The following NFIB variants were observed in gnomAD, a reference collection of about 807,000 sequenced individuals.
The protein encoded by NFIB is nuclear factor I B, also known as nuclear factor 1 B-type.
NFIB carries 11 observed loss-of-function variants against 61.5 expected under a neutral mutation model. That is an observed-to-expected ratio of 0.18 (90% CI 0.11 to 0.30). The LOEUF is 0.30. Among genes scored for constraint, NFIB ranks in the 10% least tolerant of loss-of-function variants. The pLI is 1.00. For synonymous variants in NFIB, 260 were observed against 216.5 expected (o/e 1.20, Z -1.76); for missense variants, 471 against 608.9 (o/e 0.77, Z 2.38).
At chr9:14,292,529 T>G (rs1048550269) in intron 2 of NFIB, among the ~76,000 whole-genome samples, 2 of 152,238 alleles carry the variant, frequency 1.3e-5, no homozygotes, top group Non-Finnish European at 2.9e-5. Context: ...TCTGCCAAGA[T>G]AACCAGAAAC....
chr9:14,512,609 C>G, the NFIB span, among the ~76,000 whole-genome samples: 1 of 152,004 alleles, frequency 6.6e-6, no homozygotes, highest in African/African-American at 2.4e-5. Context: ...CGTAATAAGT[C>G]CGCCAATTTA....
At chr9:14,448,880 A>G in the NFIB span, among the ~76,000 whole-genome samples, 1 of 152,208 alleles carries the variant, frequency 6.6e-6, no homozygotes, top group African/African-American at 2.4e-5. Flanking sequence ...ACACCTGCGT[A>G]AATCTTGCAT....
chr9:14,200,485 C>T (rs764006744), intron 2 of NFIB, among the ~76,000 whole-genome samples: 15 of 152,180 alleles, frequency 9.9e-5, no homozygotes, highest in African/African-American at 3.4e-4. Context: ...CTCTCAGGAT[C>T]GGTAAGTCTA....
chr9:14,163,821 A>T (rs1467291931), intron 3 of NFIB, among the ~76,000 whole-genome samples: 1 of 151,988 alleles, frequency 6.6e-6, no homozygotes, highest in Non-Finnish European at 1.5e-5. Flanking sequence ...AGGCAACTTT[A>T]ACAAATCCCT....
intron 2 of NFIB, among the ~76,000 whole-genome samples, chr9:14,262,287 C>G (rs1226547423): frequency 6.6e-6 from 1 of 152,190 alleles, no homozygotes; most frequent in Non-Finnish European, 1.5e-5. Flanking sequence ...TGCTGGATCC[C>G]TCCCAGAGAT....
At chr9:14,461,079 G>T in the NFIB span, among the ~76,000 whole-genome samples, 2 of 151,964 alleles carry the variant, frequency 1.3e-5, no homozygotes, top group East Asian at 1.9e-4. Context: ...GACCCCCAAG[G>T]CTGGATAAGC....
chr9:14,268,035 T>A (rs1246078621), intron 2 of NFIB, among the ~76,000 whole-genome samples: 1 of 150,990 alleles, frequency 6.6e-6, no homozygotes, highest in Non-Finnish European at 1.5e-5. Flanking sequence ...CTCAGGAGGC[T>A]GAGACATGAG....
the NFIB span, among the ~76,000 whole-genome samples, chr9:14,497,907 C>A: frequency 6.6e-6 from 1 of 152,160 alleles, no homozygotes; most frequent in Non-Finnish European, 1.5e-5. Flanking sequence ...AAGTAACATG[C>A]AGAGAAAAGT....
chr9:14,177,914 T>A (rs937287638), intron 3 of NFIB, among the ~76,000 whole-genome samples: 4 of 152,168 alleles, frequency 2.6e-5, no homozygotes, highest in Non-Finnish European at 5.9e-5. Flanking sequence ...TTGAATGATG[T>A]TACATAACTA....
At chr9:14,530,902 G>T in the NFIB span, among the ~76,000 whole-genome samples, 1 of 149,934 alleles carries the variant, frequency 6.7e-6, no homozygotes, top group Non-Finnish European at 1.5e-5. Flanking sequence ...GGGGCAAAAA[G>T]AAGAAAAAAA....
chr9:14,453,468 GC>G, the NFIB span, among the ~76,000 whole-genome samples: 1 of 152,188 alleles, frequency 6.6e-6, no homozygotes, highest in African/African-American at 2.4e-5. Context: ...GAATTAAGAT[GC>G]TTGAATGAAG....
At chr9:14,289,216 T>C (rs1250564391) in intron 2 of NFIB, among the ~76,000 whole-genome samples, 2 of 66,468 alleles carry the variant, frequency 3.0e-5, no homozygotes, top group Non-Finnish European at 7.2e-5. Flanking sequence ...TATAATTTGG[T>C]ATACCAAATA....
At chr9:14,155,935 A>G (rs774369988) in intron 3 of NFIB, 42 bp from the exon 4 acceptor site, 11 of 1,228,506 alleles carry the variant, frequency 9.0e-6, no homozygotes, top group Non-Finnish European at 1.3e-5. Flanking sequence ...ATATAAGCAG[A>G]AAGTAAAATA....
the NFIB span, among the ~76,000 whole-genome samples, chr9:14,503,102 ATATATGTGTG>A: frequency 1.5e-4 from 20 of 135,510 alleles, no homozygotes; most frequent in East Asian, 3.3e-3. Flanking sequence ...ATATATATAT[ATATATGTGTG>A]TATGTGTGTG....
chr9:14,371,318 A>G (rs1446236917), intron 1 of NFIB, among the ~76,000 whole-genome samples: 1 of 152,230 alleles, frequency 6.6e-6, no homozygotes, highest in Admixed American at 6.5e-5. Context: ...AAAGAACTGT[A>G]ATACTAAAAA....
intron 1 of NFIB, among the ~76,000 whole-genome samples, chr9:14,320,018 T>A (rs372140868): frequency 6.6e-6 from 1 of 152,238 alleles, no homozygotes; most frequent in Non-Finnish European, 1.5e-5. Flanking sequence ...AGTAATATTA[T>A]CAAATTGTGT....
intron 6 of NFIB, among the ~76,000 whole-genome samples, chr9:14,127,328 T>A (rs1276984353): frequency 6.6e-6 from 1 of 152,230 alleles, no homozygotes; most frequent in Non-Finnish European, 1.5e-5. Flanking sequence ...AATGATGAGC[T>A]ATAAAATTTG....
Position 14,182,490 on chromosome 9 carries a change from C to G in NFIB, c.563-2710G>C, listed in dbSNP as rs148042717. On this transcript the variant is annotated intron_variant, in intron 2 of 10. Coordinates refer to ENST00000380953, the MANE Select transcript of NFIB (RefSeq NM_001190737.2). ...CCTTATATCGGTCACTTAATTCCAA[C>G]TGCTGGAAAAGGAAGTAACCAGGGA... Among the ~76,000 whole-genome samples, 1,258 of 152,280 alleles carry G rather than the reference C, an allele frequency of 8.3e-3. 11 individuals are homozygous for G. The highest frequency in any genetic ancestry group is 0.013 in the Non-Finnish European group (916 of 68,010).
At chr9:14,421,236 C>G in the NFIB span, among the ~76,000 whole-genome samples, 1 of 152,032 alleles carries the variant, frequency 6.6e-6, no homozygotes, top group Non-Finnish European at 1.5e-5. Context: ...AGATAAATAA[C>G]AATCATATTA....
Sources: allele counts gnomAD v4.1 joint callset (sites outside exome capture counted in the v4.1 genomes callset), GRCh38; gene constraint gnomAD v4.1.1; transcripts MANE v1.5; gene names NCBI Gene and HGNC (gene_info 2026-07-23, HGNC 2026-07-21).